TAF4: variants seen among roughly 807,000 people sequenced by gnomAD.
TAF4 encodes the protein TATA-box binding protein associated factor 4, also known as transcription initiation factor TFIID subunit 4.
TAF4 carries 9 observed loss-of-function variants against 90.3 expected under a neutral mutation model. That is an observed-to-expected ratio of 0.10 (90% CI 0.06 to 0.17). The LOEUF is 0.17. TAF4 is among the 10% of genes least tolerant of loss of function. TAF4 has a pLI of 1.00. For missense variants in TAF4, 1,351 were observed against 1,370.7 expected (o/e 0.99, Z 0.23); for synonymous variants, 818 against 638.9 (o/e 1.28, Z -4.23).
chr20:61,989,470 C>G (rs530826011), intron 14 of TAF4, among the ~76,000 whole-genome samples: 4 of 152,026 alleles, frequency 2.6e-5, no homozygotes, highest in African/African-American at 9.7e-5. Context: ...ACAGGGGTCC[C>G]GGCACCCACA....
At chr20:62,000,359 G>C (rs961734790) in intron 10 of TAF4, 105 bp from the exon 11 acceptor site, 80 of 1,501,278 alleles carry the variant, frequency 5.3e-5, no homozygotes, top group Non-Finnish European at 7.0e-5. Context: ...CAACCCAAGG[G>C]GAGCCCAGAA....
Position 61,975,404 on chromosome 20 carries a change from T to C in TAF4, c.*764A>G, listed in dbSNP as rs949198076. 6.6e-6 allele frequency: 1 copy of C among 152,394 alleles called. No homozygotes were observed. The highest frequency in any genetic ancestry group is 2.4e-5 in the African/African-American group (1 of 41,400). 9.4% of individuals were successfully genotyped at this position (152,394 alleles called of 1,614,324 possible). ...TTTATTTAATCTAGGTTTTCACTTT[T>C]AGCTAAAAAACACAGTGCAAGTAAA... is the stretch of plus-strand genomic sequence containing the variant. On this transcript the variant is annotated 3_prime_UTR_variant, in exon 15 of 15. Transcript: ENST00000252996.
intron 14 of TAF4, among the ~76,000 whole-genome samples, chr20:61,982,990 A>C (rs2055560087): frequency 6.6e-6 from 1 of 152,116 alleles, no homozygotes; most frequent in Non-Finnish European, 1.5e-5. Context: ...TGGGAGGAAG[A>C]GCCTCCTCTA....
Position 62,065,319 on chromosome 20 carries a change from G to C in TAF4, c.492C>G (p.Ala164=). ...PAGPAKPAGP[A]ALAARAGPGP... ...CGGGGCCGGCGCGGGCGGCCAGCGC[G>C]GCGGGGCCGGCGGGCTTGGCGGGGC... The change falls in exon 1 of 15, where the codon GCC becomes GCG. Residue 164 remains alanine (A), a synonymous_variant. Transcript: ENST00000252996. The C allele has an allele frequency of 1.1e-6, 1 of 942,406 alleles. No homozygotes were observed. The highest frequency in any genetic ancestry group is 1.3e-6 in the Non-Finnish European group (1 of 797,440). 58.4% of individuals were successfully genotyped at this position (942,406 alleles called of 1,614,324 possible).
intron 1 of TAF4, among the ~76,000 whole-genome samples, chr20:62,051,041 C>G (rs1265618252): frequency 6.6e-6 from 1 of 152,180 alleles, no homozygotes; most frequent in Non-Finnish European, 1.5e-5. Flanking sequence ...AGCACACTCT[C>G]GAAAAGTTAC....
chr20:62,001,465 G>A (rs186905928), intron 9 of TAF4, among the ~76,000 whole-genome samples: 1 of 152,362 alleles, frequency 6.6e-6, no homozygotes, highest in Admixed American at 6.5e-5. Context: ...CCCCTCGTGA[G>A]GAGATGTGAG....
chr20:62,052,357 A>G (rs1045251738), intron 1 of TAF4, among the ~76,000 whole-genome samples: 2 of 152,034 alleles, frequency 1.3e-5, no homozygotes, highest in African/African-American at 4.8e-5. Flanking sequence ...ACAGGAAAAA[A>G]CAAAGAAACT....
Position 62,000,734 on chromosome 20 carries a change from A to C in TAF4, c.2487-13T>G, listed in dbSNP as rs2055694610. 3 of 1,613,870 alleles carry C rather than the reference A, an allele frequency of 1.9e-6. No individual in the cohort carries two copies. Among genetic ancestry groups the C allele is most frequent in the Non-Finnish European group, 2.5e-6 (3 of 1,179,870 alleles). On this transcript the variant is annotated splice_polypyrimidine_tract_variant and intron_variant, in intron 9 of 14. Transcript: ENST00000252996. ...GTCATCATCGTCCCTTGAGGAAAGAAGGGAAGATCACTTTAACTGTACAAG... is the reference window on the plus strand; with the variant it reads ...GTCATCATCGTCCCTTGAGGAAAGACGGGAAGATCACTTTAACTGTACAAG...
rs1345916620 is a variant in TAF4 at position 61,981,851 on chromosome 20, A to AC, written c.3091-5517dup. ...ACCGGAGAGGAGACATCAAACCCAC[A>AC]CCCACCCGAGAGGAGACACCAAACT... On this transcript the variant is annotated intron_variant, in intron 14 of 14. Transcript: ENST00000252996. Among the ~76,000 whole-genome samples the AC allele has an allele frequency of 8.1e-3, 932 of 114,760 alleles. 2 individuals carry two copies. Among genetic ancestry groups the AC allele is most frequent in the African/African-American group, 0.032 (888 of 27,656 alleles). 75.3% of individuals were successfully genotyped at this position (114,760 alleles called of 152,430 possible).
At chr20:62,022,210 C>T (rs1246318450) in intron 1 of TAF4, among the ~76,000 whole-genome samples, 2 of 152,142 alleles carry the variant, frequency 1.3e-5, no homozygotes, top group Non-Finnish European at 2.9e-5. Context: ...TCCAGGAAAA[C>T]GCAGAGGACA....
At chr20:62,033,336 T>C (rs1600853361) in intron 1 of TAF4, among the ~76,000 whole-genome samples, 2 of 152,130 alleles carry the variant, frequency 1.3e-5, no homozygotes, top group South Asian at 4.1e-4. Flanking sequence ...AGGGCCCTGG[T>C]GGGTTTTAAA....
At chr20:62,063,963 A>AG (rs35193666) in intron 1 of TAF4, among the ~76,000 whole-genome samples, 1 of 152,210 alleles carries the variant, frequency 6.6e-6, no homozygotes, top group Non-Finnish European at 1.5e-5. Context: ...AGGGTCACCA[A>AG]GGGGCAGAAA....
At chr20:61,980,650 G>A (rs569642031) in intron 14 of TAF4, 27 of 152,394 alleles carry the variant, frequency 1.8e-4, no homozygotes, top group Admixed American at 3.9e-4. Flanking sequence ...CCGGGAGGCC[G>A]AAGACAACGT....
intron 1 of TAF4, among the ~76,000 whole-genome samples, chr20:62,046,320 A>G (rs1254266881): frequency 6.6e-6 from 1 of 152,256 alleles, no homozygotes; most frequent in Non-Finnish European, 1.5e-5. Context: ...CCACTACCAC[A>G]ATCAAGATTT....
rs561829565 is a variant in TAF4, at chr20:61,979,582, C to T, written c.3091-3247G>A. On this transcript the variant is annotated intron_variant, in intron 14 of 14. Transcript: ENST00000252996. ...GGGACTGCGGCCCATGCAGGCGCGACGGCCTCTAGAGGGACTGTGGCATGT... is the reference window on the plus strand; with the variant it reads ...GGGACTGCGGCCCATGCAGGCGCGATGGCCTCTAGAGGGACTGTGGCATGT... Among the ~76,000 whole-genome samples the T allele has an allele frequency of 4.9e-4, 65 of 131,316 alleles. 1 individual carries two copies. The South Asian group carries it at 0.014, about 28-fold the overall frequency. 86.1% of individuals were successfully genotyped at this position (131,316 alleles called of 152,430 possible). A position where few individuals can be genotyped will look rare whatever the true frequency, so the allele number is the denominator to read the frequency against.
rs535911883 is a variant in TAF4, at chr20:62,037,915, C to T, written c.1361-23208G>A. The T allele has an allele frequency of 1.1e-4, 22 of 206,868 alleles. 1 individual carries two copies. The highest frequency in any genetic ancestry group is 6.7e-4 in the Admixed American group (15 of 22,386). The allele number at this position is 206,868 out of a possible 1,614,324, so 12.8% of individuals were successfully genotyped here. A position where few individuals can be genotyped will look rare whatever the true frequency, so the allele number is the denominator to read the frequency against. On this transcript the variant is annotated intron_variant, in intron 1 of 14. Transcript: ENST00000252996. Reference sequence around the variant, plus strand: ...GAAGACCTGAACCTCTGGATTTGCACGATTTTGTGGGGATTTCTGGGTCAA... The same window carrying T: ...GAAGACCTGAACCTCTGGATTTGCATGATTTTGTGGGGATTTCTGGGTCAA...
chr20:62,052,419 G>C (rs1056128788), intron 1 of TAF4, among the ~76,000 whole-genome samples: 7 of 151,978 alleles, frequency 4.6e-5, no homozygotes, highest in Admixed American at 4.6e-4. Context: ...ATCTCCTCCT[G>C]AACCTGACCC....
At chr20:62,038,809 T>C (rs1222173957) in intron 1 of TAF4, among the ~76,000 whole-genome samples, 1 of 152,294 alleles carries the variant, frequency 6.6e-6, no homozygotes, top group Middle Eastern at 3.4e-3. Flanking sequence ...TCCCAGCACT[T>C]TGAGAGGCTG....
At position 62,065,374 on chromosome 20, in the gene TAF4, A is replaced by ACGGCGG. The variant is rs1204301175; in HGVS notation, c.431_436dup (p.Ala144_Ala145dup). On this transcript the variant is annotated inframe_insertion, in exon 1 of 15. Coordinates refer to ENST00000252996, the MANE Select transcript of TAF4 (RefSeq NM_003185.4). ...GGGGGCGGGCTCGGGCCCCGCGGCGACGGCGGCGGCGGCGGGCACCGGGGC... is the reference window on the plus strand; with the variant it reads ...GGGGGCGGGCTCGGGCCCCGCGGCGACGGCGGCGGCGGCGGCGGCGGGCACCGGGGC... 8 of 921,438 alleles carry ACGGCGG rather than the reference A, an allele frequency of 8.7e-6. No individual in the cohort carries two copies. Among genetic ancestry groups the ACGGCGG allele is most frequent in the African/African-American group, 8.1e-5 (4 of 49,110 alleles). The allele number at this position is 921,438 out of a possible 1,614,324, so 57.1% of individuals were successfully genotyped here.
Sources: allele counts gnomAD v4.1 joint callset (sites outside exome capture counted in the v4.1 genomes callset), GRCh38; gene constraint gnomAD v4.1.1; transcripts MANE v1.5; gene names NCBI Gene and HGNC (gene_info 2026-07-23, HGNC 2026-07-21).